The following HS2ST1 variants were observed in gnomAD, a reference collection of about 807,000 sequenced individuals.
The protein encoded by HS2ST1 is 2-O-sulfotransferase.
HS2ST1 carries 18 observed loss-of-function variants against 42.9 expected under a neutral mutation model. The observed-to-expected ratio is 0.42, with a 90% CI of 0.29 to 0.62. HS2ST1 has a LOEUF of 0.62. Among genes scored for constraint, HS2ST1 ranks in the 20% least tolerant of loss-of-function variants. The pLI, the probability that HS2ST1 is intolerant of heterozygous loss-of-function variation, is 0.21. For synonymous variants in HS2ST1, 146 were observed against 152.9 expected, an observed-to-expected ratio of 0.95 and a Z score of 0.33; for missense variants, 334 against 433.8, an observed-to-expected ratio of 0.77 and a Z score of 2.04.
At chr1:86,985,163 G>T (rs1570464377) in intron 1 of HS2ST1, among the ~76,000 whole-genome samples, 1 of 149,648 alleles carries the variant, frequency 6.7e-6, no homozygotes, top group African/African-American at 2.5e-5. Context: ...ACACCATCCT[G>T]GCTAACACGG....
intron 1 of HS2ST1, among the ~76,000 whole-genome samples, chr1:87,049,812 T>A (rs1257677928): frequency 6.6e-6 from 1 of 152,082 alleles, no homozygotes; most frequent in Non-Finnish European, 1.5e-5. Flanking sequence ...TGTATCTTAG[T>A]GATTTTCTGT....
intron 1 of HS2ST1, among the ~76,000 whole-genome samples, chr1:87,006,395 G>T (rs1185058741): frequency 6.6e-6 from 1 of 152,026 alleles, no homozygotes; most frequent in East Asian, 1.9e-4. Context: ...TTAAATAAAG[G>T]GCATTGAGGT....
chr1:86,961,770 C>T (rs931475624), intron 1 of HS2ST1, among the ~76,000 whole-genome samples: 1 of 152,074 alleles, frequency 6.6e-6, no homozygotes, highest in Non-Finnish European at 1.5e-5. Flanking sequence ...ATTCCCTAAC[C>T]TCCCCCTAAG....
chr1:87,034,321 T>C (rs1650318210), intron 1 of HS2ST1, among the ~76,000 whole-genome samples: 1 of 152,168 alleles, frequency 6.6e-6, no homozygotes, highest in Admixed American at 6.5e-5. Context: ...TCTAAAGCAG[T>C]TGAAGTCTCC....
At chr1:87,094,271 T>A (rs1222764291) in intron 4 of HS2ST1, among the ~76,000 whole-genome samples, 1 of 152,052 alleles carries the variant, frequency 6.6e-6, no homozygotes, top group Non-Finnish European at 1.5e-5. Context: ...TTTATCATTG[T>A]CAGCCCTGGA....
At chr1:87,097,307 G>C (rs1175019559) in intron 4 of HS2ST1, among the ~76,000 whole-genome samples, 1 of 152,210 alleles carries the variant, frequency 6.6e-6, no homozygotes, top group Non-Finnish European at 1.5e-5. Flanking sequence ...TAAAGATATA[G>C]ACAGACAGAT....
chr1:87,036,768 A>C (rs1192379066), intron 1 of HS2ST1, among the ~76,000 whole-genome samples: 1 of 152,180 alleles, frequency 6.6e-6, no homozygotes, highest in Admixed American at 6.6e-5. Flanking sequence ...CTTTGAAGAC[A>C]GTTCTCATTT....
chr1:87,056,630 C>A (rs773339047), intron 1 of HS2ST1, among the ~76,000 whole-genome samples: 11 of 152,250 alleles, frequency 7.2e-5, no homozygotes, highest in Admixed American at 3.3e-4. Flanking sequence ...GTATCTGCCG[C>A]TATGAACATA....
chr1:86,968,364 T>G (rs553890064), intron 1 of HS2ST1, among the ~76,000 whole-genome samples: 2 of 152,332 alleles, frequency 1.3e-5, no homozygotes, highest in African/African-American at 4.8e-5. Flanking sequence ...GTAACACAGT[T>G]TTTGAAGTCT....
chr1:86,974,455 G>T (rs901648352), intron 1 of HS2ST1, among the ~76,000 whole-genome samples: 2 of 152,072 alleles, frequency 1.3e-5, no homozygotes, highest in African/African-American at 2.4e-5. Flanking sequence ...TAATAAACTG[G>T]TAAATGTAAC....
At chr1:87,006,089 A>C (rs1459715881) in intron 1 of HS2ST1, among the ~76,000 whole-genome samples, 1 of 152,152 alleles carries the variant, frequency 6.6e-6, no homozygotes, top group Non-Finnish European at 1.5e-5. Flanking sequence ...TAATTAAAAA[A>C]TTTTTGTGAA....
chr1:86,995,262 T>C (rs975534036), intron 1 of HS2ST1, among the ~76,000 whole-genome samples: 1 of 152,212 alleles, frequency 6.6e-6, no homozygotes, highest in African/African-American at 2.4e-5. Context: ...TAATGTAAGC[T>C]ATTTACCCTA....
At chr1:86,934,043 G>A (rs532113445) in intron 1 of HS2ST1, among the ~76,000 whole-genome samples, 1 of 152,266 alleles carries the variant, frequency 6.6e-6, no homozygotes, top group East Asian at 1.9e-4. Flanking sequence ...CTCTTAGTGA[G>A]CCTGTGTCTT....
intron 1 of HS2ST1, among the ~76,000 whole-genome samples, chr1:87,053,712 C>T (rs1407948063): frequency 3.3e-5 from 5 of 152,100 alleles, no homozygotes; most frequent in Admixed American, 3.3e-4. Context: ...CTGCAGTATA[C>T]TTTGAGTATC....
In HS2ST1 at chr1:86,994,800, T is replaced by A. The variant is rs116699258; in HGVS notation, c.125-78134T>A. 3.0e-3 allele frequency among the ~76,000 whole-genome samples: 463 copies of A among 152,284 alleles called. 2 individuals are homozygous for A. The highest frequency in any genetic ancestry group is 4.2e-3 in the Non-Finnish European group (284 of 67,980). On this transcript the variant is annotated intron_variant, in intron 1 of 6. Transcript: ENST00000370550. ...TTTGCTTAACACTCTTGATTTGTAG[T>A]ACATCGACCAAGTATCTTCATTTAA...
At chr1:87,012,265 T>C (rs1649618299) in intron 1 of HS2ST1, among the ~76,000 whole-genome samples, 1 of 152,136 alleles carries the variant, frequency 6.6e-6, no homozygotes, top group South Asian at 2.1e-4. Flanking sequence ...TGGTAATTTA[T>C]AAAGGAAAGA....
At chr1:87,014,138 C>G (rs1180979059) in intron 1 of HS2ST1, among the ~76,000 whole-genome samples, 1 of 152,170 alleles carries the variant, frequency 6.6e-6, no homozygotes. Context: ...CCCACTACCT[C>G]AGTAACAATT....
intron 2 of HS2ST1, among the ~76,000 whole-genome samples, chr1:87,082,603 C>T (rs1425979275): frequency 6.6e-6 from 1 of 152,144 alleles, no homozygotes; most frequent in African/African-American, 2.4e-5. Flanking sequence ...AATACTAGAA[C>T]TGATTTTCAT....
At chr1:86,992,431 A>G (rs541740377) in intron 1 of HS2ST1, among the ~76,000 whole-genome samples, 1 of 151,214 alleles carries the variant, frequency 6.6e-6, no homozygotes, top group African/African-American at 2.4e-5. Context: ...CAATGGCATG[A>G]TCTCGGCTCA....
Sources: gnomAD v4.1 joint callset for allele counts (sites outside exome capture counted in the v4.1 genomes callset) on GRCh38, gnomAD v4.1.1 for gene constraint, MANE v1.5 for transcripts, NCBI Gene and HGNC (gene_info 2026-07-23, HGNC 2026-07-21) for gene names.